The following NCAPG2 variants were observed in gnomAD, a reference collection of about 807,000 sequenced individuals.
NCAPG2 encodes non-SMC condensin II complex subunit G2.
Under a neutral mutation model 141.1 loss-of-function variants are expected in NCAPG2, and 53 were observed. That is an observed-to-expected ratio of 0.38 (90% confidence interval 0.30 to 0.47). NCAPG2 has a LOEUF of 0.47. Among genes scored for constraint, NCAPG2 ranks in the 20% least tolerant of loss-of-function variants. The probability of loss-of-function intolerance (pLI) is 0.99; values close to 1 mark genes in which losing one functional copy is unlikely to be tolerated. For missense variants in NCAPG2, 1,087 were observed against 1,389.0 expected, an observed-to-expected ratio of 0.78 and a Z score of 3.46; for synonymous variants, 499 against 490.7, an observed-to-expected ratio of 1.02 and a Z score of -0.22.
chr7:158,639,266 T>G (rs1830483359), intron 27 of NCAPG2, among the ~76,000 whole-genome samples: 1 of 151,966 alleles, frequency 6.6e-6, no homozygotes, highest in Admixed American at 6.5e-5. Flanking sequence ...TGCCACAATA[T>G]CCAACTAATT....
At chr7:158,687,233 ATAACGTATTTC>A in intron 7 of NCAPG2, 104 bp downstream of exon 7, 1 of 622,502 alleles carries the variant, frequency 1.6e-6, no homozygotes, top group South Asian at 2.7e-5. Context: ...TACATAATAA[ATAACGTATTTC>A]TAAAGCTTCT....
chr7:158,653,254 A>G (rs1965871), intron 22 of NCAPG2, among the ~76,000 whole-genome samples: 113,551 of 151,578 alleles, frequency 0.75, 42,834 homozygotes, highest in East Asian at 0.97. Context: ...CCAGCTACTC[A>G]GGAGGCTGAG....
At chr7:158,694,725 C>A (rs1226838801) in intron 2 of NCAPG2, among the ~76,000 whole-genome samples, 1 of 152,178 alleles carries the variant, frequency 6.6e-6, no homozygotes, top group Non-Finnish European at 1.5e-5. Flanking sequence ...AGCCCTCCAT[C>A]CCCCCATCCT....
chr7:158,691,897 C>A (rs748790044), intron 4 of NCAPG2, among the ~76,000 whole-genome samples: 7 of 152,184 alleles, frequency 4.6e-5, no homozygotes, highest in Non-Finnish European at 1.0e-4. Context: ...TTCTTCTCAA[C>A]AAGTTCTTGA....
intron 15 of NCAPG2, among the ~76,000 whole-genome samples, chr7:158,663,571 C>T (rs1426513135): frequency 2.6e-5 from 4 of 152,256 alleles, no homozygotes; most frequent in Non-Finnish European, 5.9e-5. Context: ...CCCAGAAGCA[C>T]TTGGCTCAGG....
rs1390353446 is a variant in NCAPG2 at position 158,653,396 on chromosome 7, T to TAAC, written c.2747-917_2747-916insGTT. 4.0e-5 allele frequency among the ~76,000 whole-genome samples: 6 copies of TAAC among 150,474 alleles called. No homozygotes were observed. The South Asian group carries it at 1.3e-3, about 31-fold the overall frequency. On this transcript the variant is annotated intron_variant, in intron 22 of 27. Transcript: ENST00000356309. Reference sequence around the variant, plus strand: ...AAAAAAATAAAAAAAAAAATAATAATAATAATTAAACAAAAAAGCTGAAGC... The same window carrying TAAC: ...AAAAAAATAAAAAAAAAAATAATAATAACAATAATTAAACAAAAAAGCTGAAGC...
intron 2 of NCAPG2, among the ~76,000 whole-genome samples, chr7:158,694,853 C>T (rs1835348157): frequency 6.6e-6 from 1 of 152,122 alleles, no homozygotes; most frequent in Admixed American, 6.5e-5. Flanking sequence ...TATCTACTCT[C>T]TTTCCTCGTT....
intron 27 of NCAPG2, among the ~76,000 whole-genome samples, chr7:158,638,388 T>C (rs1169350227): frequency 6.6e-6 from 1 of 151,878 alleles, no homozygotes; most frequent in Non-Finnish European, 1.5e-5. Context: ...TATAGGCACA[T>C]GCTACCACAC....
In NCAPG2 at chr7:158,664,635, G is replaced by C; in HGVS notation, c.1595C>G (p.Pro532Arg). ...IFNSFLPVNQ[P>R]EEVWCERCVT... The stretch of plus-strand genomic sequence containing the variant: ...ACAGCGCTCGCACCAGACCTCCTCC[G>C]GCTGATTCACAGGCAGGAAAGAATT... The change falls in exon 14 of 28, where the codon CCG becomes CGG. Residue 532 changes from proline to arginine, a missense_variant. By Grantham distance (103) the Pro-to-Arg change is moderately radical (BLOSUM62 -2). Transcript: ENST00000356309. The C allele has an allele frequency of 6.2e-7, 1 of 1,614,084 alleles. No homozygotes were observed. The highest frequency in any genetic ancestry group is 2.2e-5 in the East Asian group (1 of 44,882).
intron 26 of NCAPG2, among the ~76,000 whole-genome samples, chr7:158,645,184 A>G (rs1352815049): frequency 6.6e-6 from 1 of 152,256 alleles, no homozygotes; most frequent in Non-Finnish European, 1.5e-5. Flanking sequence ...AGATTTTAAG[A>G]TACAGGTAAC....
chr7:158,687,748 C>T (rs767812781), intron 6 of NCAPG2, among the ~76,000 whole-genome samples: 3 of 152,136 alleles, frequency 2.0e-5, no homozygotes, highest in Non-Finnish European at 4.4e-5. Context: ...CTCATTCTGG[C>T]TCTGTCATGG....
rs112230607 is a variant in NCAPG2 at position 158,664,583 on chromosome 7, G to C, written c.1647C>G (p.Ala549=). The C allele has an allele frequency of 6.2e-7, 1 of 1,614,130 alleles. No individual in the cohort carries two copies. The highest frequency in any genetic ancestry group is 8.5e-7 in the Non-Finnish European group (1 of 1,180,022). Residue 549 remains alanine, a synonymous_variant, in exon 14 of 28, where the codon GCC becomes GCG. Transcript: ENST00000356309. ...RCVTLVQMNH[A]AARRFYQYAH... is the part of the protein sequence containing the mutation. ...CGTACTGATAGAACCTCCTGGCAGC[G>C]GCGTGGTTCATCTGCACCAGGGTGA...
In NCAPG2 at chr7:158,642,929, C is replaced by T. The variant is rs183739162; in HGVS notation, c.3380+1360G>A. 1.2e-4 allele frequency among the ~76,000 whole-genome samples: 18 copies of T among 152,250 alleles called. No homozygotes were observed. The East Asian group carries it at 3.5e-3, about 29-fold the overall frequency. ...AGCTGGGATTACAGAAGCGTGCCAC[C>T]ACACCCGGCTAATTATTTTATTTTT... On this transcript the variant is annotated intron_variant, in intron 27 of 27. Coordinates refer to ENST00000356309, the MANE Select transcript of NCAPG2 (RefSeq NM_017760.7).
chr7:158,657,910 AG>A (rs1371106425), intron 17 of NCAPG2, among the ~76,000 whole-genome samples: 2 of 152,150 alleles, frequency 1.3e-5, no homozygotes, highest in African/African-American at 4.8e-5. Context: ...AAATGGATTA[AG>A]GGCGGTGCAA....
chr7:158,650,057 C>CA (rs1220235355), intron 24 of NCAPG2, among the ~76,000 whole-genome samples: 1 of 152,186 alleles, frequency 6.6e-6, no homozygotes, highest in African/African-American at 2.4e-5. Context: ...ATATTAGCTA[C>CA]ATTTTTTTTT....
chr7:158,700,788 T>C (rs1400759121), intron 2 of NCAPG2, among the ~76,000 whole-genome samples: 1 of 152,206 alleles, frequency 6.6e-6, no homozygotes, highest in Non-Finnish European at 1.5e-5. Flanking sequence ...CACCACATAA[T>C]AAGAACAAGT....
intron 13 of NCAPG2, among the ~76,000 whole-genome samples, chr7:158,666,011 C>G (rs1832903337): frequency 3.5e-5 from 1 of 28,204 alleles, no homozygotes; most frequent in Non-Finnish European, 7.0e-5. Context: ...AAAGACAGAG[C>G]AACCCCAGTA....
At chr7:158,666,182 A>G (rs570197726) in intron 13 of NCAPG2, among the ~76,000 whole-genome samples, 14 of 152,320 alleles carry the variant, frequency 9.2e-5, no homozygotes, top group African/African-American at 3.4e-4. Flanking sequence ...ACGGTTTAAG[A>G]GGACAAGAAA....
At chr7:158,632,256 G>A (rs770239985) in intron 27 of NCAPG2, among the ~76,000 whole-genome samples, 11 of 152,170 alleles carry the variant, frequency 7.2e-5, no homozygotes, top group Non-Finnish European at 1.2e-4. Flanking sequence ...CCTAGGCCGC[G>A]GCTTTGGCTG....
Sources: gnomAD v4.1 joint callset for allele counts (sites outside exome capture counted in the v4.1 genomes callset) on GRCh38, gnomAD v4.1.1 for gene constraint, MANE v1.5 for transcripts, NCBI Gene and HGNC (gene_info 2026-07-23, HGNC 2026-07-21) for gene names.